The following NPAS3 variants were observed in gnomAD, a reference collection of about 807,000 sequenced individuals.
NPAS3 encodes the protein neuronal PAS domain-containing protein 3.
A neutral mutation model predicts 73.1 loss-of-function variants in NPAS3; 14 were observed. The observed-to-expected ratio is 0.19, with a 90% CI of 0.13 to 0.30. NPAS3 has a LOEUF of 0.30. Among genes scored for constraint, NPAS3 ranks in the 10% least tolerant of loss-of-function variants. The probability of loss-of-function intolerance (pLI) is 1.00; values close to 1 mark genes in which losing one functional copy is unlikely to be tolerated. For synonymous variants in NPAS3, 620 were observed against 541.5 expected (o/e 1.14, Z -2.01); for missense variants, 1,096 against 1,250.0 (o/e 0.88, Z 1.86).
At chr14:33,335,068 G>GTGTGTGTGTGTGTGTGTA (rs1366925163) in intron 3 of NPAS3, among the ~76,000 whole-genome samples, 182 of 151,034 alleles carry the variant, frequency 1.2e-3, no homozygotes, top group African/African-American at 4.3e-3. Flanking sequence ...GTGTGTGTGT[G>GTGTGTGTGTGTGTGTGTA]TGTATCACAT....
At chr14:33,312,830 C>G (rs192575272) in intron 3 of NPAS3, among the ~76,000 whole-genome samples, 161 of 128,704 alleles carry the variant, frequency 1.3e-3, no homozygotes, top group Admixed American at 5.4e-3. Context: ...ATAGGCACAA[C>G]TTTTAGTGGA....
intron 4 of NPAS3, among the ~76,000 whole-genome samples, chr14:33,439,318 G>C (rs574247554): frequency 2.0e-5 from 3 of 152,226 alleles, no homozygotes; most frequent in South Asian, 2.1e-4. Flanking sequence ...GTTCCCAGGG[G>C]GCAAATATGT....
chr14:33,632,463 G>A (rs544373539), intron 5 of NPAS3, among the ~76,000 whole-genome samples: 3 of 152,290 alleles, frequency 2.0e-5, no homozygotes, highest in South Asian at 2.1e-4. Context: ...CCAAAAATGC[G>A]AATTGCTAAA....
chr14:33,522,642 C>T (rs2053607578), intron 4 of NPAS3, among the ~76,000 whole-genome samples: 1 of 152,074 alleles, frequency 6.6e-6, no homozygotes, highest in Admixed American at 6.5e-5. Flanking sequence ...CGGAAAACCA[C>T]ATTTAAGACT....
chr14:33,406,887 C>T (rs1417470735), intron 4 of NPAS3, among the ~76,000 whole-genome samples: 1 of 152,040 alleles, frequency 6.6e-6, no homozygotes, highest in Non-Finnish European at 1.5e-5. Context: ...TAACAGTAAA[C>T]CACTGAAGCT....
At chr14:33,307,487 G>A (rs1423196110) in intron 3 of NPAS3, among the ~76,000 whole-genome samples, 1 of 151,964 alleles carries the variant, frequency 6.6e-6, no homozygotes, top group Non-Finnish European at 1.5e-5. Context: ...GCTTCAGGAT[G>A]AGCAAATGCA....
At chr14:33,757,546 A>T (rs537259040) in intron 7 of NPAS3, among the ~76,000 whole-genome samples, 1 of 152,170 alleles carries the variant, frequency 6.6e-6, no homozygotes, top group Admixed American at 6.5e-5. Context: ...ACGATGGGGG[A>T]AAAAATGAGA....
intron 2 of NPAS3, among the ~76,000 whole-genome samples, chr14:33,211,292 G>C (rs1377735920): frequency 2.6e-5 from 4 of 152,172 alleles, no homozygotes; most frequent in Non-Finnish European, 5.9e-5. Context: ...AGAAATTATA[G>C]ACATTAGGCT....
At position 33,638,643 on chromosome 14, in the gene NPAS3, G is replaced by A. The variant is rs562194180; in HGVS notation, c.559-37568G>A. 5.9e-5 allele frequency among the ~76,000 whole-genome samples: 9 copies of A among 152,342 alleles called. No individual in the cohort carries two copies. In the South Asian group the frequency reaches 1.7e-3, roughly 28 times the overall value. ...TTTAATTGCAAGTGAGAACTTTGCA[G>A]TTGGTAGGGGCAACATCATTGCTGG... On this transcript the variant is annotated intron_variant, in intron 5 of 11. Coordinates refer to ENST00000356141, the Ensembl canonical transcript of NPAS3.
rs954349633 is a variant in NPAS3 at position 33,539,992 on chromosome 14, C to T, written c.469-20129C>T. ...GGCTGACCACGAATGCATCCTCACT[C>T]TGCCTTCACCTCTCTTTATGGTTGC... is the stretch of plus-strand genomic sequence containing the variant. On this transcript the variant is annotated intron_variant, in intron 4 of 11. Transcript: ENST00000356141. 2.6e-5 allele frequency among the ~76,000 whole-genome samples: 4 copies of T among 152,312 alleles called. No homozygotes were observed. The South Asian group carries it at 8.3e-4, about 32-fold the overall frequency.
At chr14:33,136,598 G>T (rs2043848966) in intron 2 of NPAS3, among the ~76,000 whole-genome samples, 1 of 152,188 alleles carries the variant, frequency 6.6e-6, no homozygotes, top group Non-Finnish European at 1.5e-5. Flanking sequence ...CTCACCCCAA[G>T]TTGTATAGCT....
At chr14:33,039,064 CCCAT>C (rs2040265400) in intron 1 of NPAS3, among the ~76,000 whole-genome samples, 2 of 152,264 alleles carry the variant, frequency 1.3e-5, no homozygotes, top group South Asian at 4.1e-4. Context: ...CAAAGATTTA[CCCAT>C]GAAGCCACGA....
intron 2 of NPAS3, among the ~76,000 whole-genome samples, chr14:33,148,234 G>C (rs184489148): frequency 1.1e-3 from 166 of 152,188 alleles, no homozygotes; most frequent in African/African-American, 3.9e-3. Flanking sequence ...TTTACATACT[G>C]ATTTTGGGAG....
intron 5 of NPAS3, among the ~76,000 whole-genome samples, chr14:33,631,568 A>G (rs1363441422): frequency 6.6e-6 from 1 of 152,186 alleles, no homozygotes; most frequent in Non-Finnish European, 1.5e-5. Context: ...AGTTTCTCCC[A>G]CATTAAAGAG....
intron 7 of NPAS3, among the ~76,000 whole-genome samples, chr14:33,756,709 T>C (rs1433933811): frequency 6.6e-6 from 1 of 152,206 alleles, no homozygotes; most frequent in Non-Finnish European, 1.5e-5. Context: ...TTTCATGCAG[T>C]AGATAGATGT....
chr14:33,763,415 CAA>C (rs920858822), intron 7 of NPAS3, among the ~76,000 whole-genome samples: 17 of 152,122 alleles, frequency 1.1e-4, no homozygotes, highest in African/African-American at 4.1e-4. Flanking sequence ...CTGTGCCTAG[CAA>C]AGAGTGTAAA....
intron 1 of NPAS3, among the ~76,000 whole-genome samples, chr14:33,012,935 G>A (rs2139656938): frequency 1.3e-5 from 2 of 152,288 alleles, no homozygotes; most frequent in East Asian, 3.9e-4. Context: ...TTGTTGATTA[G>A]TATCATGAGT....
chr14:33,233,628 T>C (rs1485611015), intron 3 of NPAS3, among the ~76,000 whole-genome samples: 2 of 152,176 alleles, frequency 1.3e-5, no homozygotes, highest in Admixed American at 6.5e-5. Flanking sequence ...TATTCTTCTG[T>C]ATGTAATGAT....
intron 5 of NPAS3, among the ~76,000 whole-genome samples, chr14:33,600,297 T>C (rs1392073618): frequency 6.6e-6 from 1 of 152,218 alleles, no homozygotes; most frequent in East Asian, 1.9e-4. Context: ...TCCCCCAAGG[T>C]AATTACTTGG....
Sources: gnomAD v4.1 joint callset for allele counts (sites outside exome capture counted in the v4.1 genomes callset) on GRCh38, gnomAD v4.1.1 for gene constraint, MANE v1.5 for transcripts, NCBI Gene and HGNC (gene_info 2026-07-23, HGNC 2026-07-21) for gene names.